IGF2: variants seen among roughly 807,000 people sequenced by gnomAD.
IGF2 encodes the protein insulin-like growth factor 2.
IGF2 carries 2 observed loss-of-function variants against 12.0 expected under a neutral mutation model. The ratio of observed to expected loss-of-function variants is 0.17; its 90% CI spans 0.07 to 0.52. The LOEUF is 0.52. Ranked by LOEUF, IGF2 falls within the 20% of genes least tolerant of loss-of-function variation. IGF2 has a pLI of 0.95. For missense variants in IGF2, 211 were observed against 268.0 expected, an observed-to-expected ratio of 0.79 and a Z score of 1.48; for synonymous variants, 105 against 110.1, an observed-to-expected ratio of 0.95 and a Z score of 0.29.
chr11:2,140,011 C>A (rs1859448238), upstream of IGF2: 12 of 908,002 alleles, frequency 1.3e-5, no homozygotes, highest in South Asian at 1.5e-4. Context: ...GGAGCCCCCG[C>A]CAGGTGCGGG....
At chr11:2,146,130 C>A, upstream of IGF2, 1 of 465,514 alleles carries the variant, frequency 2.1e-6, no homozygotes, top group South Asian at 1.6e-5. Context: ...CCCTCAAGGA[C>A]TCAGACTCAC....
At chr11:2,136,114 C>G (rs1859025381) in intron 1 of IGF2, among the ~76,000 whole-genome samples, 1 of 152,236 alleles carries the variant, frequency 6.6e-6, no homozygotes, top group African/African-American at 2.4e-5. Flanking sequence ...GCCCCTCCCC[C>G]TGGCTTTTCC....
upstream of IGF2, among the ~76,000 whole-genome samples, chr11:2,144,710 C>T (rs1859808994): frequency 6.6e-6 from 1 of 152,124 alleles, no homozygotes; most frequent in Non-Finnish European, 1.5e-5. Context: ...AACAAGGTCA[C>T]CCCTTGGCGT....
the IGF2 span, chr11:2,149,026 A>T: frequency 8.8e-7 from 1 of 1,140,418 alleles, no homozygotes; most frequent in South Asian, 1.4e-5. Flanking sequence ...TCCTTCAGAA[A>T]CCAGGATCCT....
rs1171985637 is a variant in IGF2, at chr11:2,131,850, TCGTGTGTGTGCTGTGTGTG to T, written c.*1118_*1136del. The T allele has an allele frequency of 2.9e-4, 47 of 162,188 alleles. No individual in the cohort carries two copies. Among genetic ancestry groups the T allele is most frequent in the African/African-American group, 1.4e-3 (44 of 31,556 alleles). 10.0% of individuals were successfully genotyped at this position (162,188 alleles called of 1,614,324 possible). On this transcript the variant is annotated 3_prime_UTR_variant, in exon 4 of 4. Transcript: ENST00000416167. Reference sequence around the variant, plus strand: ...TGCTGTGCGTTTGTGTGCTGTGTGCTCGTGTGTGTGCTGTGTGTGCGTGTGTGCTGTGCGTTTGTGTGTG... The same window carrying T: ...TGCTGTGCGTTTGTGTGCTGTGTGCTCGTGTGTGCTGTGCGTTTGTGTGTG...
chr11:2,131,251 C>G lies in IGF2; in HGVS notation c.*1736G>C, dbSNP rs961776820. 4.3e-6 allele frequency: 1 copy of G among 233,230 alleles called. No homozygotes were observed. The highest frequency in any genetic ancestry group is 5.6e-5 in the Admixed American group (1 of 17,788). 14.4% of individuals were successfully genotyped at this position (233,230 alleles called of 1,614,324 possible). On this transcript the variant is annotated 3_prime_UTR_variant, in exon 4 of 4. Transcript: ENST00000416167. The stretch of plus-strand genomic sequence containing the variant: ...ACACTCAGGCCGCACCATCTGAGCC[C>G]CCTCCTCTGAGAGGCAGGGCACAGA...
At position 2,131,720 on chromosome 11, in the gene IGF2, TGTGTGCTGTGTTCGC is replaced by T. The variant is rs1252507475; in HGVS notation, c.*1252_*1266del. 1.4e-5 allele frequency: 3 copies of T among 213,972 alleles called. No individual in the cohort carries two copies. Among genetic ancestry groups the T allele is most frequent in the Non-Finnish European group, 2.7e-5 (3 of 109,394 alleles). The allele number at this position is 213,972 out of a possible 1,614,324, so 13.3% of individuals were successfully genotyped here. On this transcript the variant is annotated 3_prime_UTR_variant, in exon 4 of 4. Coordinates refer to ENST00000416167, the MANE Select transcript of IGF2 (RefSeq NM_000612.6). The stretch of plus-strand genomic sequence containing the variant: ...GTGTGTGCTGTGTGTGCTGTGTTCG[TGTGTGCTGTGTTCGC>T]GTGTGTGTGCTGTGTGTGCATGTGT...
Position 2,130,604 on chromosome 11 carries a change from AG to A in IGF2, c.*2382del, listed in dbSNP as rs1276272319. On this transcript the variant is annotated 3_prime_UTR_variant, in exon 4 of 4. Transcript: ENST00000416167. ...AAAAAAAAACAAAAAAAAAAAAAAA[AG>A]GAAAAATGCCCCAAGAAACAAAGAG... The A allele has an allele frequency of 4.7e-6, 1 of 212,484 alleles. No homozygotes were observed. The highest frequency in any genetic ancestry group is 9.4e-6 in the Non-Finnish European group (1 of 105,968). 13.2% of individuals were successfully genotyped at this position (212,484 alleles called of 1,614,324 possible).
In IGF2 at chr11:2,138,380, C is replaced by CT. The variant is rs1170161753; in HGVS notation, c.-159dup. 1.3e-3 allele frequency: 817 copies of CT among 611,450 alleles called. 13 individuals carry two copies. In the African/African-American group the frequency reaches 0.023, roughly 17 times the overall value. 37.9% of individuals were successfully genotyped at this position (611,450 alleles called of 1,614,324 possible). ...GCGACGGGGCAGAGCGGGGGGATGG[C>CT]TTTTTTTTGGGGGGGGGGGGAGAAT... On this transcript the variant is annotated 5_prime_UTR_variant, in exon 1 of 4. Coordinates refer to ENST00000416167, the MANE Select transcript of IGF2 (RefSeq NM_000612.6).
At chr11:2,149,086 C>A in the IGF2 span, 4,158 of 1,583,072 alleles carry the variant, frequency 2.6e-3, 74 homozygotes, top group African/African-American at 0.041. Flanking sequence ...ACTTAAAGTG[C>A]AGCTTTTCTC....
In IGF2 at chr11:2,139,225, C is replaced by T. The variant is rs1859353018; in HGVS notation, c.-1003G>A. On this transcript the variant is annotated 5_prime_UTR_variant, in exon 1 of 4. Coordinates refer to ENST00000416167, the MANE Select transcript of IGF2 (RefSeq NM_000612.6). ...GCGACCCCGCGGACGGCGCCCGGGA[C>T]GGGAGTCAGCAGCGAGGCAGCGGGC... The T allele has an allele frequency of 6.7e-6, 1 of 150,294 alleles. No homozygotes were observed. Among genetic ancestry groups the T allele is most frequent in the Non-Finnish European group, 1.5e-5 (1 of 67,404 alleles). The allele number at this position is 150,294 out of a possible 1,614,324, so 9.3% of individuals were successfully genotyped here.
rs978361513 is a variant in IGF2 at position 2,130,514 on chromosome 11, G to GC, written c.*2472dup. On this transcript the variant is annotated 3_prime_UTR_variant, in exon 4 of 4. Coordinates refer to ENST00000416167, the MANE Select transcript of IGF2 (RefSeq NM_000612.6). ...TTCGTGCGTTCTTGCTTTTGTCACTGCCCCCCTGTTACATGGGGGGGGGGT... is the reference window on the plus strand; with the variant it reads ...TTCGTGCGTTCTTGCTTTTGTCACTGCCCCCCCTGTTACATGGGGGGGGGGT... 5.0e-6 allele frequency: 1 copy of GC among 201,812 alleles called. No individual in the cohort carries two copies. Among genetic ancestry groups the GC allele is most frequent in the Non-Finnish European group, 9.5e-6 (1 of 105,132 alleles). 12.5% of individuals were successfully genotyped at this position (201,812 alleles called of 1,614,324 possible). A position where few individuals can be genotyped will look rare whatever the true frequency, so the allele number is the denominator to read the frequency against.
upstream of IGF2, among the ~76,000 whole-genome samples, chr11:2,139,734 C>A (rs918052264): frequency 6.6e-6 from 1 of 151,802 alleles, no homozygotes; most frequent in Non-Finnish European, 1.5e-5. Flanking sequence ...GGCCTGTGCT[C>A]GTGAGCTGGG....
At position 2,138,386 on chromosome 11, in the gene IGF2, T is replaced by G. The variant is rs1859249424; in HGVS notation, c.-164A>C. 3 of 414,934 alleles carry G rather than the reference T, an allele frequency of 7.2e-6. No homozygotes were observed. Among genetic ancestry groups the G allele is most frequent in the Non-Finnish European group, 3.0e-6 (1 of 328,168 alleles). 25.7% of individuals were successfully genotyped at this position (414,934 alleles called of 1,614,324 possible). ...GGGCAGAGCGGGGGGATGGCTTTTTTTTGGGGGGGGGGGGAGAATTCGTCT... is the reference window on the plus strand; with the variant it reads ...GGGCAGAGCGGGGGGATGGCTTTTTGTTGGGGGGGGGGGGAGAATTCGTCT... On this transcript the variant is annotated 5_prime_UTR_variant, in exon 1 of 4. Coordinates refer to ENST00000416167, the MANE Select transcript of IGF2 (RefSeq NM_000612.6).
Position 2,132,870 on chromosome 11 carries a change from A to AGCCCCAGGGGGACGTG in IGF2, c.*101_*116dup, listed in dbSNP as rs1590113427. On this transcript the variant is annotated 3_prime_UTR_variant, in exon 4 of 4. Coordinates refer to ENST00000416167, the MANE Select transcript of IGF2 (RefSeq NM_000612.6). ...GGGGCACGGGGACTGGGTCAGGAGAAGCCCCAGGGGGACGTGGAACCGAGA... is the reference window on the plus strand; with the variant it reads ...GGGGCACGGGGACTGGGTCAGGAGAAGCCCCAGGGGGACGTGGCCCCAGGGGGACGTGGAACCGAGA... 1.4e-6 allele frequency: 1 copy of AGCCCCAGGGGGACGTG among 723,936 alleles called. No homozygotes were observed. The highest frequency in any genetic ancestry group is 2.7e-5 in the East Asian group (1 of 36,462). 44.8% of individuals were successfully genotyped at this position (723,936 alleles called of 1,614,324 possible). A position where few individuals can be genotyped will look rare whatever the true frequency, so the allele number is the denominator to read the frequency against.
At chr11:2,137,722 C>A (rs1408609271) in intron 1 of IGF2, among the ~76,000 whole-genome samples, 2 of 152,124 alleles carry the variant, frequency 1.3e-5, no homozygotes, top group Non-Finnish European at 2.9e-5. Context: ...GGGGAGATGT[C>A]GCGAATGTGG....
At position 2,131,408 on chromosome 11, in the gene IGF2, C is replaced by G; in HGVS notation, c.*1579G>C. The G allele has an allele frequency of 4.3e-6, 1 of 233,164 alleles. No individual in the cohort carries two copies. The highest frequency in any genetic ancestry group is 8.5e-6 in the Non-Finnish European group (1 of 118,084). The allele number at this position is 233,164 out of a possible 1,614,324, so 14.4% of individuals were successfully genotyped here. On this transcript the variant is annotated 3_prime_UTR_variant, in exon 4 of 4. Coordinates refer to ENST00000416167, the MANE Select transcript of IGF2 (RefSeq NM_000612.6). ...GCTTAGATATGCTTATTGTTTTCAT[C>G]CAATTTTGTGGGGGTGTGCGTGTGT...
chr11:2,145,180 C>T (rs1859841479), upstream of IGF2, among the ~76,000 whole-genome samples: 1 of 152,230 alleles, frequency 6.6e-6, no homozygotes, highest in South Asian at 2.1e-4. Flanking sequence ...CTTCTGCAGC[C>T]TCCCCGTGTC....
At chr11:2,147,896 CA>C in the IGF2 span, 1 of 1,008,228 alleles carries the variant, frequency 9.9e-7, no homozygotes, top group Non-Finnish European at 1.3e-6. The surrounding 1 kb of genome is among the most constrained non-coding windows in gnomAD (Gnocchi z 7.2). Flanking sequence ...AGCCCTGTCC[CA>C]TCCCCCTCCC....
Sources: gnomAD v4.1 joint callset for allele counts (sites outside exome capture counted in the v4.1 genomes callset) on GRCh38, gnomAD v4.1.1 for gene constraint, Gnocchi (gnomAD v3.1) non-coding constraint, MANE v1.5 for transcripts, NCBI Gene and HGNC (gene_info 2026-07-23, HGNC 2026-07-21) for gene names.